The following DST variants were observed in gnomAD, a reference collection of about 807,000 sequenced individuals.
DST encodes the protein dystonin.
In DST, 253 loss-of-function variants were observed where a neutral mutation model predicts 875.2. That is an observed-to-expected ratio of 0.29 (90% CI 0.26 to 0.32). The LOEUF (loss-of-function observed/expected upper bound fraction) is 0.32. DST is among the 10% of genes least tolerant of loss of function. The pLI is 1.00. For missense variants in DST, 8,287 were observed against 9,111.6 expected (o/e 0.91, Z 3.68); for synonymous variants, 3,124 against 3,197.1 (o/e 0.98, Z 0.77).
chr6:56,526,631 C>A lies in DST; in HGVS notation c.17923-64G>T, dbSNP rs2096802132. 6 of 1,475,518 alleles carry A rather than the reference C, an allele frequency of 4.1e-6. 1 individual carries two copies. In the Middle Eastern group the frequency reaches 6.7e-4, roughly 164 times the overall value. 91.4% of individuals were successfully genotyped at this position (1,475,518 alleles called of 1,614,324 possible). On this transcript the variant is annotated intron_variant, in intron 68 of 103. Coordinates refer to ENST00000680361, the MANE Select transcript of DST (RefSeq NM_001374736.1). ...TCAACAGACTTTTCCTTTAACTGTT[C>A]TTGGAGCTCAAGTCCTTTGCAGGCG...
chr6:56,824,864 G>A lies in DST; in HGVS notation c.625+26533C>T, dbSNP rs6930500. ...TCTCCGCCCCGCAGCCACCCCGTCC[G>A]GGAGGGAGGTGGGGGGGTCAGCCCC... On this transcript the variant is annotated intron_variant, in intron 4 of 103. Coordinates refer to ENST00000680361, the MANE Select transcript of DST (RefSeq NM_001374736.1). Among the ~76,000 whole-genome samples the A allele has an allele frequency of 6.8e-3, 983 of 145,410 alleles. 8 individuals carry two copies. The highest frequency in any genetic ancestry group is 0.023 in the African/African-American group (921 of 40,896).
chr6:56,939,075 A>C (rs1814863696), intron 2 of DST, among the ~76,000 whole-genome samples: 1 of 152,264 alleles, frequency 6.6e-6, no homozygotes, highest in Middle Eastern at 3.2e-3. Context: ...ATAATGAATC[A>C]AATGGTTGAG....
intron 4 of DST, among the ~76,000 whole-genome samples, chr6:56,796,517 A>G (rs1200315531): frequency 3.3e-5 from 5 of 152,282 alleles, no homozygotes; most frequent in Admixed American, 1.3e-4. Flanking sequence ...AAAATCAAGA[A>G]GTAGATCCAA....
intron 4 of DST, among the ~76,000 whole-genome samples, chr6:56,830,985 A>G (rs1320502330): frequency 6.6e-6 from 1 of 152,202 alleles, no homozygotes; most frequent in Non-Finnish European, 1.5e-5. Context: ...CACCTAGTCA[A>G]TGCAATCATG....
At chr6:56,726,811 T>C (rs2099461727) in intron 5 of DST, among the ~76,000 whole-genome samples, 1 of 152,196 alleles carries the variant, frequency 6.6e-6, no homozygotes. Context: ...TTTAGTTTCA[T>C]ATTCATTCAT....
In DST at chr6:56,460,200, C is replaced by T. The variant is rs758637408; in HGVS notation, c.23125G>A (p.Gly7709Ser). Residue 7709 changes from glycine to serine, a missense_variant, in exon 103 of 104, where the codon GGC (glycine) becomes AGC (serine). By Grantham distance (56) the Gly-to-Ser change is moderately conservative. Transcript: ENST00000680361. Reference protein sequence around the residue: ...LRLPGYLSGKGFHSGEDSGLI... With the variant: ...LRLPGYLSGKSFHSGEDSGLI... ...CCACTGTCCTCCCCAGAGTGGAAGC[C>T]TTTCCCTGATAAATATCCTGGAAGT... 5 of 1,613,880 alleles carry T rather than the reference C, an allele frequency of 3.1e-6. No individual in the cohort carries two copies. In the East Asian group the frequency reaches 1.1e-4, roughly 36 times the overall value.
In DST at chr6:56,473,944, T is replaced by G. The variant is rs772263281; in HGVS notation, c.21923A>C (p.Tyr7308Ser). 6.3e-7 allele frequency: 1 copy of G among 1,588,640 alleles called. No homozygotes were observed. Among genetic ancestry groups the G allele is most frequent in the Non-Finnish European group, 8.6e-7 (1 of 1,165,304 alleles). ...GGAAGGATCAGCAGCTCTCCTCTTA[T>G]AGGTCTTCGTTACTTTATCAACATC... ...QPDVDKVTKT[Y>S]KRRAADPSSL... The change falls in exon 93 of 104, where the codon TAT becomes TCT. Residue 7308 changes from tyrosine (Y) to serine (S), a missense_variant. By Grantham distance (144) the Tyr-to-Ser change is moderately radical (BLOSUM62 -2). Coordinates refer to ENST00000680361, the MANE Select transcript of DST (RefSeq NM_001374736.1).
chr6:56,479,828 G>A (rs940680034), intron 90 of DST, among the ~76,000 whole-genome samples: 5 of 152,264 alleles, frequency 3.3e-5, no homozygotes, highest in Admixed American at 6.5e-5. Context: ...ATTGGGTACC[G>A]TGTTTAACAT....
At chr6:56,950,270 G>C (rs1407050734) in intron 2 of DST, among the ~76,000 whole-genome samples, 4 of 152,122 alleles carry the variant, frequency 2.6e-5, no homozygotes, top group Non-Finnish European at 4.4e-5. Flanking sequence ...CCTTCCTTAT[G>C]TCAGACAAGG....
chr6:56,664,874 GAACAT>G (rs1393285525), intron 10 of DST, among the ~76,000 whole-genome samples: 3 of 152,186 alleles, frequency 2.0e-5, no homozygotes, highest in Admixed American at 6.5e-5. Flanking sequence ...ACTGAAAACT[GAACAT>G]AACACACAGA....
intron 3 of DST, chr6:56,852,160 T>G: frequency 1.3e-6 from 1 of 781,498 alleles, no homozygotes; most frequent in Non-Finnish European, 1.6e-6. Context: ...TTTAATTTTC[T>G]TCATGAGACT....
At chr6:56,889,066 T>C (rs768730494) in intron 3 of DST, among the ~76,000 whole-genome samples, 3 of 152,084 alleles carry the variant, frequency 2.0e-5, no homozygotes, top group East Asian at 1.9e-4. Context: ...GAGTGAAGAG[T>C]TGGAAGTTAT....
intron 2 of DST, among the ~76,000 whole-genome samples, chr6:56,941,301 C>T (rs974530813): frequency 2.0e-5 from 3 of 152,072 alleles, no homozygotes; most frequent in Non-Finnish European, 4.4e-5. Context: ...CTTATTGATA[C>T]ATGAATTATT....
At chr6:56,591,875 G>T (rs1167882716) in intron 49 of DST, among the ~76,000 whole-genome samples, 1 of 151,674 alleles carries the variant, frequency 6.6e-6, no homozygotes, top group African/African-American at 2.4e-5. Context: ...CCAGCTACTT[G>T]GGAGGCTGAG....
At chr6:56,843,927 C>A in intron 4 of DST, 1 of 155,574 alleles carries the variant, frequency 6.4e-6, no homozygotes, top group East Asian at 1.9e-4. Context: ...CGCCCACCCC[C>A]GGACACTGGC....
intron 2 of DST, among the ~76,000 whole-genome samples, chr6:56,932,278 T>A (rs1810750403): frequency 6.6e-6 from 1 of 152,184 alleles, no homozygotes; most frequent in African/African-American, 2.4e-5. Context: ...ATGTAAGAAG[T>A]GCCTTTTGCT....
chr6:56,592,089 C>T (rs2152685307), intron 49 of DST, 93 bp downstream of exon 49: 5 of 1,144,472 alleles, frequency 4.4e-6, no homozygotes, highest in Non-Finnish European at 6.3e-6. Context: ...TCATTTGTTC[C>T]CCTCTCTTAG....
intron 3 of DST, among the ~76,000 whole-genome samples, chr6:56,854,743 T>C (rs755469224): frequency 5.9e-5 from 9 of 152,204 alleles, no homozygotes; most frequent in African/African-American, 1.9e-4. Flanking sequence ...AGAGAAAATA[T>C]GGACAACTCT....
chr6:56,553,583 T>C lies in DST; in HGVS notation c.15209A>G (p.Gln5070Arg), dbSNP rs1249967921. Residue 5070 changes from glutamine to arginine, a missense_variant, in exon 61 of 104, where the codon CAG becomes CGG. This residue lies in a region of DST where 1,513 missense variants were observed against 1,677.8 expected (regional missense o/e 0.90). Transcript: ENST00000680361. Reference sequence around the variant, plus strand: ...TTCTTTCTTTGTATCCAGCCAAGCCTGAAAATCTCTAGACATTTGCTGAAA... The same window carrying C: ...TTCTTTCTTTGTATCCAGCCAAGCCCGAAAATCTCTAGACATTTGCTGAAA... ...HQFQQMSRDF[Q>R]AWLDTKKEEQ... is the part of the protein sequence containing the mutation. 3 of 1,613,884 alleles carry C rather than the reference T, an allele frequency of 1.9e-6. No individual in the cohort carries two copies. Among genetic ancestry groups the C allele is most frequent in the Non-Finnish European group, 2.5e-6 (3 of 1,179,854 alleles).
Sources: allele counts gnomAD v4.1 joint callset (sites outside exome capture counted in the v4.1 genomes callset), GRCh38; gene constraint gnomAD v4.1.1; regional missense constraint gnomAD v4.1.1; transcripts MANE v1.5; gene names NCBI Gene and HGNC (gene_info 2026-07-23, HGNC 2026-07-21).